Variants in PTPRC observed in about 807,000 individuals in gnomAD.
PTPRC encodes the protein protein tyrosine phosphatase receptor type C, also known as receptor-type tyrosine-protein phosphatase C.
Under a neutral mutation model 155.9 loss-of-function variants are expected in PTPRC, and 44 were observed. The observed-to-expected ratio is 0.28, with a 90% CI of 0.22 to 0.36. The LOEUF is 0.36. PTPRC is among the 10% of genes least tolerant of loss of function. The pLI is 1.00. For synonymous variants in PTPRC, 525 were observed against 533.1 expected (o/e 0.98, Z 0.21); for missense variants, 1,401 against 1,564.6 (o/e 0.90, Z 1.76).
At chr1:198,682,266 T>G (rs1025285575) in intron 2 of PTPRC, among the ~76,000 whole-genome samples, 2 of 152,226 alleles carry the variant, frequency 1.3e-5, no homozygotes, top group Admixed American at 6.5e-5. Context: ...TAAGAAGAAA[T>G]AAGCAGTGCA....
At chr1:198,659,441 G>C (rs1163977817) in intron 2 of PTPRC, among the ~76,000 whole-genome samples, 1 of 152,146 alleles carries the variant, frequency 6.6e-6, no homozygotes, top group African/African-American at 2.4e-5. Flanking sequence ...AGGGACAGAG[G>C]GGGCCAGTGC....
rs187390577 is a variant in PTPRC, at chr1:198,689,951, A to T, written c.74-2396A>T. 6.6e-5 allele frequency among the ~76,000 whole-genome samples: 10 copies of T among 152,256 alleles called. No individual in the cohort carries two copies. In the East Asian group the frequency reaches 1.9e-3, roughly 29 times the overall value. ...CCAGGGCAAGGGTCATGCTTTTATC[A>T]TGTTTGAACCTAGTCTCCAACAGCA... is the stretch of plus-strand genomic sequence containing the variant. On this transcript the variant is annotated intron_variant, in intron 2 of 32. Coordinates refer to ENST00000442510, the MANE Select transcript of PTPRC (RefSeq NM_002838.5).
rs1193789799 is a variant in PTPRC, at chr1:198,718,150, G to A, written c.1507G>A (p.Val503Ile). 6.2e-7 allele frequency: 1 copy of A among 1,613,968 alleles called. No homozygotes were observed. Among genetic ancestry groups the A allele is most frequent in the Non-Finnish European group, 8.5e-7 (1 of 1,179,878 alleles). Reference sequence around the variant, plus strand: ...CATGACATCAGATAATAGTATGCATGTCAAGTGTAGGCCTCCCAGGGACCG... The same window carrying A: ...CATGACATCAGATAATAGTATGCATATCAAGTGTAGGCCTCCCAGGGACCG... Reference protein sequence around the residue: ...VSMTSDNSMHVKCRPPRDRNG... With the variant: ...VSMTSDNSMHIKCRPPRDRNG... The change falls in exon 14 of 33, where the codon GTC (valine) becomes ATC (isoleucine). Residue 503 changes from valine to isoleucine, a missense_variant. By Grantham distance (29) the Val-to-Ile change is conservative. Around this residue, in one of 3 missense-constraint regions of PTPRC, gnomAD observed 867 missense variants for 970.4 expected, o/e 0.89. Coordinates refer to ENST00000442510, the MANE Select transcript of PTPRC (RefSeq NM_002838.5).
At chr1:198,724,408 T>C (rs1654033323) in intron 15 of PTPRC, among the ~76,000 whole-genome samples, 1 of 152,146 alleles carries the variant, frequency 6.6e-6, no homozygotes. Flanking sequence ...TCACATGCCA[T>C]CTTGAAATAT....
At chr1:198,709,544 G>T in intron 10 of PTPRC, 143 bp from the exon 11 acceptor site, 2 of 733,748 alleles carry the variant, frequency 2.7e-6, no homozygotes, top group Non-Finnish European at 1.9e-6. Flanking sequence ...TTATTTTTAG[G>T]GTTTTTTATT....
rs574214621 is a variant in PTPRC at position 198,661,601 on chromosome 1, TA to T, written c.73+22263del. ...AAAATAACTTCTTAGTACTGTTAGG[TA>T]AATAATAATACTCATAACACTTAAT... is the stretch of plus-strand genomic sequence containing the variant. On this transcript the variant is annotated intron_variant, in intron 2 of 32. Transcript: ENST00000442510. Among the ~76,000 whole-genome samples, 91 of 152,096 alleles carry T rather than the reference TA, an allele frequency of 6.0e-4. 1 individual carries two copies. Among genetic ancestry groups the T allele is most frequent in the Admixed American group, 5.6e-3 (85 of 15,268 alleles).
rs1260990465 is a variant in PTPRC at position 198,652,567 on chromosome 1, C to CT, written c.73+13226_73+13227insT. Among the ~76,000 whole-genome samples the CT allele has an allele frequency of 2.4e-5, 3 of 124,920 alleles. No homozygotes were observed. The East Asian group carries it at 1.0e-3, about 44-fold the overall frequency. The allele number at this position is 124,920 out of a possible 152,430, so 82.0% of individuals were successfully genotyped here. On this transcript the variant is annotated intron_variant, in intron 2 of 32. Transcript: ENST00000442510. Reference sequence around the variant, plus strand: ...ATCCAATTACGTAAACAAATATTACCCTTTTTTTTTTTTGGTCATTGTTTC... The same window carrying CT: ...ATCCAATTACGTAAACAAATATTACCTCTTTTTTTTTTTTGGTCATTGTTTC...
rs143328050 is a variant in PTPRC, at chr1:198,741,993, A to G, written c.2528A>G (p.Asn843Ser). 88 of 1,611,328 alleles carry G rather than the reference A, an allele frequency of 5.5e-5. No homozygotes were observed. Among genetic ancestry groups the G allele is most frequent in the East Asian group, 1.6e-4 (7 of 44,592 alleles). Residue 843 changes from asparagine (N) to serine (S), a missense_variant, in exon 24 of 33, where the codon AAT becomes AGT. Transcript: ENST00000442510. ...AGAAGGAGAGTGAATGCCTTCAGCA[A>G]TTTCTTCAGTGGTCCCATTGTGGTG... The part of the protein sequence containing the change: ...KLRRRVNAFS[N>S]FFSGPIVVHC...
intron 2 of PTPRC, among the ~76,000 whole-genome samples, chr1:198,655,517 G>C (rs1393810551): frequency 1.3e-5 from 2 of 152,028 alleles, no homozygotes; most frequent in Non-Finnish European, 2.9e-5. Context: ...TGTTGGATTA[G>C]GCATTTTGGG....
At chr1:198,754,200 G>C in intron 31 of PTPRC, 69 bp from the exon 32 acceptor site, 1 of 1,502,212 alleles carries the variant, frequency 6.7e-7, no homozygotes, top group Non-Finnish European at 9.2e-7. Flanking sequence ...CTCTCTTCCT[G>C]TTTTTATTCT....
intron 9 of PTPRC, 68 bp downstream of exon 9, chr1:198,707,020 A>T: frequency 5.4e-6 from 7 of 1,299,606 alleles, no homozygotes; most frequent in Non-Finnish European, 7.7e-6. Context: ...GGTGTTCTCC[A>T]GTGGTCACAG....
At position 198,716,697 on chromosome 1, in the gene PTPRC, A is replaced by G. The variant is rs1653603796; in HGVS notation, c.1307A>G (p.Asn436Ser). The change falls in exon 13 of 33, where the codon AAT (asparagine) becomes AGT (serine). Residue 436 changes from asparagine (N) to serine (S), a missense_variant. Asn to Ser is a conservative substitution (Grantham distance 46, BLOSUM62 1). Around this residue, in one of 3 missense-constraint regions of PTPRC, gnomAD observed 867 missense variants for 970.4 expected, o/e 0.89. Transcript: ENST00000442510. The part of the protein sequence containing the change: ...YIKETEKDCL[N>S]LDKNLIKYDL... ...TTTTCCTCAGAAAAAGATTGCCTCA[A>G]TCTGGATAAAAACCTGATCAAATAT... 6 of 1,611,906 alleles carry G rather than the reference A, an allele frequency of 3.7e-6. No individual in the cohort carries two copies. Among genetic ancestry groups the G allele is most frequent in the African/African-American group, 1.3e-5 (1 of 74,988 alleles).
At chr1:198,689,662 G>A (rs967457926) in intron 2 of PTPRC, among the ~76,000 whole-genome samples, 1 of 152,098 alleles carries the variant, frequency 6.6e-6, no homozygotes, top group African/African-American at 2.4e-5. Context: ...TCCTAAAGCT[G>A]TTATCATCAG....
intron 25 of PTPRC, 105 bp from the exon 26 acceptor site, chr1:198,743,949 G>T (rs957761501): frequency 1.8e-6 from 2 of 1,133,110 alleles, no homozygotes; most frequent in Non-Finnish European, 2.6e-6. Flanking sequence ...GCCATGAATT[G>T]TTCCAATATG....
At chr1:198,728,565 C>A in intron 16 of PTPRC, 117 bp downstream of exon 16, 1 of 1,216,900 alleles carries the variant, frequency 8.2e-7, no homozygotes, top group Non-Finnish European at 1.1e-6. Context: ...GAGAAGACAG[C>A]ATACAGCCCA....
At chr1:198,703,499 A>AGGGT in intron 7 of PTPRC, 127 bp downstream of exon 7, 2 of 1,440,380 alleles carry the variant, frequency 1.4e-6, no homozygotes, top group Non-Finnish European at 1.9e-6. Context: ...TTGAATCCTG[A>AGGGT]GGGTGATGGA....
chr1:198,663,930 A>G (rs1045354071), intron 2 of PTPRC, among the ~76,000 whole-genome samples: 2 of 152,134 alleles, frequency 1.3e-5, no homozygotes, highest in Non-Finnish European at 1.5e-5. Flanking sequence ...TATTGAGACA[A>G]AAGCAAAATA....
intron 5 of PTPRC, among the ~76,000 whole-genome samples, chr1:198,700,300 G>T (rs1169837865): frequency 6.6e-6 from 1 of 152,154 alleles, no homozygotes; most frequent in South Asian, 2.1e-4. Flanking sequence ...TTATATGCAA[G>T]AAAAACAAGT....
chr1:198,733,321 C>T (rs1292392199), intron 20 of PTPRC, among the ~76,000 whole-genome samples: 1 of 151,542 alleles, frequency 6.6e-6, no homozygotes, highest in Non-Finnish European at 1.5e-5. Context: ...TTATGTTTCC[C>T]CAATGGAACT....
Sources: gnomAD v4.1 joint callset for allele counts (sites outside exome capture counted in the v4.1 genomes callset) on GRCh38, gnomAD v4.1.1 for gene constraint, gnomAD v4.1.1 regional missense constraint, MANE v1.5 for transcripts, NCBI Gene and HGNC (gene_info 2026-07-23, HGNC 2026-07-21) for gene names.